CHRM3: variants seen among roughly 807,000 people sequenced by gnomAD.
The protein encoded by CHRM3 is muscarinic acetylcholine receptor M3.
CHRM3 carries 11 observed loss-of-function variants against 41.8 expected under a neutral mutation model. The ratio of observed to expected loss-of-function variants is 0.26; its 90% CI spans 0.17 to 0.44. CHRM3 has a LOEUF of 0.44. CHRM3 is among the 20% of genes least tolerant of loss of function. The pLI is 1.00. For missense variants in CHRM3, 571 were observed against 745.4 expected, an observed-to-expected ratio of 0.77 and a Z score of 2.72; for synonymous variants, 297 against 301.4, an observed-to-expected ratio of 0.99 and a Z score of 0.15.
intron 3 of CHRM3, among the ~76,000 whole-genome samples, chr1:239,604,507 A>G (rs1666005232): frequency 6.6e-6 from 1 of 152,194 alleles, no homozygotes; most frequent in Non-Finnish European, 1.5e-5. Context: ...TATGTCTAGC[A>G]ATATACTTAC....
chr1:239,796,908 T>G (rs1272771795), intron 5 of CHRM3, among the ~76,000 whole-genome samples: 1 of 152,110 alleles, frequency 6.6e-6, no homozygotes, highest in Non-Finnish European at 1.5e-5. Flanking sequence ...GGACACTTTA[T>G]CCACTACTGT....
intron 3 of CHRM3, among the ~76,000 whole-genome samples, chr1:239,551,166 T>TTG (rs1659779972): frequency 7.0e-6 from 1 of 141,952 alleles, no homozygotes; most frequent in African/African-American, 2.6e-5. Flanking sequence ...TTTTTTTTTT[T>TTG]TTTTTGAGAG....
chr1:239,545,625 T>G lies in CHRM3; in HGVS notation c.-421-16T>G, dbSNP rs1030351757. On this transcript the variant is annotated splice_polypyrimidine_tract_variant and intron_variant, in intron 2 of 6. Coordinates refer to ENST00000676153, the MANE Select transcript of CHRM3 (RefSeq NM_001375978.1). ...TCCTTACTGACCGATTTTTTCATCT[T>G]TTTGTGTCTGTTTAGATATGAACAG... 1 of 152,154 alleles carries G rather than the reference T, an allele frequency of 6.6e-6. No individual in the cohort carries two copies. Among genetic ancestry groups the G allele is most frequent in the African/African-American group, 2.4e-5 (1 of 41,442 alleles). 9.4% of individuals were successfully genotyped at this position (152,154 alleles called of 1,614,324 possible).
chr1:239,426,093 C>A (rs1197126951), intron 1 of CHRM3, among the ~76,000 whole-genome samples: 1 of 148,176 alleles, frequency 6.7e-6, no homozygotes, highest in Non-Finnish European at 1.5e-5. Context: ...CACCCATTAA[C>A]TCGTCATTTA....
At chr1:239,766,811 T>C (rs1030432154) in intron 5 of CHRM3, among the ~76,000 whole-genome samples, 2 of 152,140 alleles carry the variant, frequency 1.3e-5, no homozygotes, top group African/African-American at 2.4e-5. Context: ...TCGTGGGTTC[T>C]AATGATTCTC....
At chr1:239,454,883 C>T (rs1260220558) in intron 1 of CHRM3, among the ~76,000 whole-genome samples, 1 of 152,092 alleles carries the variant, frequency 6.6e-6, no homozygotes, top group Non-Finnish European at 1.5e-5. Context: ...AGCTCACTAC[C>T]CGTGCATGTG....
At chr1:239,686,534 T>A (rs1017337990) in intron 5 of CHRM3, among the ~76,000 whole-genome samples, 6 of 152,124 alleles carry the variant, frequency 3.9e-5, no homozygotes, top group African/African-American at 1.4e-4. Context: ...TCCATGTCTT[T>A]CCCCAGAGCC....
chr1:239,826,558 C>CA (rs1046412336), intron 5 of CHRM3, among the ~76,000 whole-genome samples: 5 of 151,928 alleles, frequency 3.3e-5, no homozygotes, highest in East Asian at 1.9e-4. Context: ...AGCAAATATG[C>CA]AAAAAAATTA....
chr1:239,399,177 T>A (rs1325194539), intron 1 of CHRM3, among the ~76,000 whole-genome samples: 1 of 152,160 alleles, frequency 6.6e-6, no homozygotes, highest in African/African-American at 2.4e-5. Context: ...GGCTTCAGAT[T>A]TTCAGACAAT....
At chr1:239,543,721 G>A (rs1659013901) in intron 2 of CHRM3, among the ~76,000 whole-genome samples, 1 of 151,990 alleles carries the variant, frequency 6.6e-6, no homozygotes, top group Non-Finnish European at 1.5e-5. Flanking sequence ...TGTTAGCCAG[G>A]ATGGTCTCGA....
At chr1:239,880,623 C>T (rs1677507270) in intron 6 of CHRM3, among the ~76,000 whole-genome samples, 2 of 152,150 alleles carry the variant, frequency 1.3e-5, no homozygotes, top group African/African-American at 4.8e-5. Context: ...TCCTGAGTAG[C>T]TCGGACTATA....
At chr1:239,413,224 C>T (rs1661244761) in intron 1 of CHRM3, among the ~76,000 whole-genome samples, 1 of 152,166 alleles carries the variant, frequency 6.6e-6, no homozygotes, top group African/African-American at 2.4e-5. Flanking sequence ...ACAAGGCAAG[C>T]TCCTTTTCCA....
chr1:239,779,690 G>A (rs947911188), intron 5 of CHRM3, among the ~76,000 whole-genome samples: 4 of 152,178 alleles, frequency 2.6e-5, no homozygotes, highest in African/African-American at 9.7e-5. Flanking sequence ...AGCTGAGATT[G>A]TGTCACTGTA....
intron 2 of CHRM3, among the ~76,000 whole-genome samples, chr1:239,520,760 A>G (rs947093535): frequency 1.3e-5 from 2 of 152,230 alleles, no homozygotes; most frequent in Non-Finnish European, 2.9e-5. Flanking sequence ...CTCTTACAGC[A>G]GTAAGCTCCC....
intron 6 of CHRM3, among the ~76,000 whole-genome samples, chr1:239,874,730 C>G (rs943805832): frequency 3.3e-5 from 5 of 150,960 alleles, no homozygotes; most frequent in Non-Finnish European, 7.4e-5. Flanking sequence ...TGGAGACTTG[C>G]TCTTGTTGCC....
At chr1:239,557,192 C>A (rs952789956) in intron 3 of CHRM3, among the ~76,000 whole-genome samples, 9 of 152,162 alleles carry the variant, frequency 5.9e-5, no homozygotes, top group South Asian at 4.1e-4. Flanking sequence ...TACTTCTGTG[C>A]TCAGCTGGCT....
intron 3 of CHRM3, among the ~76,000 whole-genome samples, chr1:239,609,178 A>G (rs1293328400): frequency 1.3e-5 from 2 of 152,170 alleles, no homozygotes; most frequent in East Asian, 1.9e-4. Flanking sequence ...CCAGGCAACC[A>G]TAGATATGCT....
At chr1:239,477,648 C>T (rs1666557530) in intron 1 of CHRM3, among the ~76,000 whole-genome samples, 1 of 152,146 alleles carries the variant, frequency 6.6e-6, no homozygotes, top group Non-Finnish European at 1.5e-5. Flanking sequence ...TCTGCATCCA[C>T]CCATTGACTT....
intron 5 of CHRM3, among the ~76,000 whole-genome samples, chr1:239,766,731 A>G (rs1240379342): frequency 6.6e-6 from 1 of 150,550 alleles, no homozygotes; most frequent in Non-Finnish European, 1.5e-5. Context: ...TTTTTCTTTG[A>G]GACAGAATCT....
Sources: gnomAD v4.1 joint callset for allele counts (sites outside exome capture counted in the v4.1 genomes callset) on GRCh38, gnomAD v4.1.1 for gene constraint, MANE v1.5 for transcripts, NCBI Gene and HGNC (gene_info 2026-07-23, HGNC 2026-07-21) for gene names.